NCOR2: variants seen among roughly 807,000 people sequenced by gnomAD.
The protein encoded by NCOR2 is CTG repeat protein 26.
Under a neutral mutation model 262.9 loss-of-function variants are expected in NCOR2, and 81 were observed. The observed-to-expected ratio is 0.31, with a 90% CI of 0.26 to 0.37. The LOEUF (loss-of-function observed/expected upper bound fraction) is 0.37. Ranked by LOEUF, NCOR2 falls within the 10% of genes least tolerant of loss-of-function variation. The probability of loss-of-function intolerance (pLI) is 1.00; values close to 1 mark genes in which losing one functional copy is unlikely to be tolerated. For synonymous variants in NCOR2, 1,659 were observed against 1,559.3 expected (o/e 1.06, Z -1.51); for missense variants, 3,385 against 3,621.4 (o/e 0.93, Z 1.68).
At position 124,438,664 on chromosome 12, in the gene NCOR2, G is replaced by A. The variant is rs181494919; in HGVS notation, c.816-668C>T. Among the ~76,000 whole-genome samples the A allele has an allele frequency of 6.8e-5, 8 of 118,404 alleles. No individual in the cohort carries two copies. In the East Asian group the frequency reaches 1.5e-3, roughly 22 times the overall value. The allele number at this position is 118,404 out of a possible 152,430, so 77.7% of individuals were successfully genotyped here. Reference sequence around the variant, plus strand: ...GAAGGAGGCACGTCCTGGGAGACGGGAGTTTCAGAGAGAGAGAGGGAGACA... The same window carrying A: ...GAAGGAGGCACGTCCTGGGAGACGGAAGTTTCAGAGAGAGAGAGGGAGACA... On this transcript the variant is annotated intron_variant, in intron 7 of 46. Coordinates refer to ENST00000405201, the Ensembl canonical transcript of NCOR2.
intron 4 of NCOR2, among the ~76,000 whole-genome samples, chr12:124,470,958 G>C (rs763781629): frequency 3.9e-4 from 59 of 152,230 alleles, no homozygotes; most frequent in Admixed American, 4.6e-4. Context: ...CCCACCCCAA[G>C]GCCAGGCCTG....
chr12:124,452,112 C>T (rs572803441), intron 6 of NCOR2, among the ~76,000 whole-genome samples: 11 of 152,350 alleles, frequency 7.2e-5, no homozygotes, highest in African/African-American at 2.4e-4. Flanking sequence ...GTTTCCCCAC[C>T]CTGACCCTGG....
At chr12:124,411,451 G>A (rs2042583118) in intron 13 of NCOR2, among the ~76,000 whole-genome samples, 2 of 152,190 alleles carry the variant, frequency 1.3e-5, no homozygotes, top group South Asian at 4.1e-4. Flanking sequence ...GATGACTGGA[G>A]CCCAGGACGG....
intron 4 of NCOR2, among the ~76,000 whole-genome samples, chr12:124,472,294 T>G (rs1168920903): frequency 6.6e-6 from 1 of 152,268 alleles, no homozygotes; most frequent in Non-Finnish European, 1.5e-5. Context: ...CAGCTTTTTC[T>G]CCGCTTGTCT....
Position 124,504,130 on chromosome 12 carries a change from A to G in NCOR2, c.-117-8762T>C, listed in dbSNP as rs2048922701. Reference sequence around the variant, plus strand: ...TTCTCCCTTTTCAGCATAAACCAGCACATCTTCCCCTTGAGCTGGGTTCGA... The same window carrying G: ...TTCTCCCTTTTCAGCATAAACCAGCGCATCTTCCCCTTGAGCTGGGTTCGA... On this transcript the variant is annotated intron_variant, in intron 1 of 46. Coordinates refer to the NCOR2 transcript ENST00000404621. The surrounding 1 kb of genome is among the most constrained non-coding windows in gnomAD (Gnocchi z 4.5). Among the ~76,000 whole-genome samples, 1 of 152,190 alleles carries G rather than the reference A, an allele frequency of 6.6e-6. No individual in the cohort carries two copies. Among genetic ancestry groups the G allele is most frequent in the Non-Finnish European group, 1.5e-5 (1 of 68,038 alleles).
chr12:124,544,638 G>T (rs937366502), intron 1 of NCOR2, among the ~76,000 whole-genome samples: 7 of 152,194 alleles, frequency 4.6e-5, no homozygotes, highest in South Asian at 2.1e-4. Flanking sequence ...CTCCACACCC[G>T]CCCGGGCCCA....
At chr12:124,418,031 G>A (rs1469300980) in intron 13 of NCOR2, among the ~76,000 whole-genome samples, 14 of 147,590 alleles carry the variant, frequency 9.5e-5, no homozygotes, top group Non-Finnish European at 1.9e-4. Flanking sequence ...ACTGCACTCT[G>A]ACCTGGGCGA....
chr12:124,325,383 C>CCCCCCT, exon 47 of NCOR2: 1 of 440,024 alleles, frequency 2.3e-6, no homozygotes, highest in Non-Finnish European at 3.5e-6. Context: ...CACCGCCCCC[C>CCCCCCT]CCCCCGCCCT....
intron 22 of NCOR2, among the ~76,000 whole-genome samples, chr12:124,358,737 C>G (rs1020651087): frequency 6.6e-6 from 1 of 152,188 alleles, no homozygotes; most frequent in African/African-American, 2.4e-5. Flanking sequence ...GCTGAGAAGC[C>G]AAGCTCAGGC....
intron 11 of NCOR2, 136 bp from the exon 14 acceptor site, chr12:124,422,691 C>CT: frequency 4.2e-6 from 4 of 952,018 alleles, no homozygotes; most frequent in African/African-American, 3.3e-5. Context: ...CAATTAAGCC[C>CT]AGGGGGGTGT....
chr12:124,405,832 G>T (rs551376966), intron 13 of NCOR2, among the ~76,000 whole-genome samples: 1 of 152,196 alleles, frequency 6.6e-6, no homozygotes, highest in Non-Finnish European at 1.5e-5. Context: ...CGACACTGGC[G>T]AGGCTGGGCT....
intron 13 of NCOR2, among the ~76,000 whole-genome samples, chr12:124,413,014 C>T (rs867250963): frequency 2.0e-5 from 3 of 152,216 alleles, no homozygotes; most frequent in African/African-American, 2.4e-5. Flanking sequence ...GCCTCGCTGC[C>T]GGGGAAAGTG....
rs3215164 is a variant in NCOR2, at chr12:124,354,299, TA to T, written c.3590-104del. The T allele has an allele frequency of 0.011, 14,954 of 1,304,152 alleles. 623 individuals carry two copies. The East Asian group carries it at 0.12, about 11-fold the overall frequency. The allele number at this position is 1,304,152 out of a possible 1,614,324, so 80.8% of individuals were successfully genotyped here. On this transcript the variant is annotated intron_variant, in intron 26 of 46. Coordinates refer to ENST00000405201, the Ensembl canonical transcript of NCOR2. ...TGACTGAGAGACCCACAAGTTGTGC[TA>T]GTTGTTTCAACGCAGAGGGAGTCCC...
At chr12:124,325,377 G>GCCCCGCC in exon 47 of NCOR2, 2 of 246,788 alleles carry the variant, frequency 8.1e-6, no homozygotes, top group Non-Finnish European at 1.3e-5. Context: ...ACCTGACACC[G>GCCCCGCC]CCCCCCCCCC....
At chr12:124,430,825 GC>G in intron 8 of NCOR2, 38 bp from the exon 11 acceptor site, 2 of 1,558,948 alleles carry the variant, frequency 1.3e-6, no homozygotes, top group Non-Finnish European at 1.7e-6. Context: ...AGATGCTCCT[GC>G]ACCTGGCACC....
chr12:124,340,163 T>C (rs777645515), exon 37 of NCOR2: 3 of 1,046,520 alleles, frequency 2.9e-6, no homozygotes, highest in South Asian at 1.5e-5. Flanking sequence ...CGGCTGCTGC[T>C]GCCCCCACCC....
At chr12:124,553,612 C>T (rs1419591591) in intron 1 of NCOR2, among the ~76,000 whole-genome samples, 2 of 152,236 alleles carry the variant, frequency 1.3e-5, no homozygotes, top group Non-Finnish European at 2.9e-5. Flanking sequence ...CTGATGAAAA[C>T]GTGATCAGAC....
At chr12:124,339,694 T>C (rs1348867633) in intron 37 of NCOR2, among the ~76,000 whole-genome samples, 4 of 67,644 alleles carry the variant, frequency 5.9e-5, no homozygotes, top group Non-Finnish European at 1.1e-4. Flanking sequence ...AACCTGATCA[T>C]CCACCCATCC....
chr12:124,456,103 T>G (rs1053326824), intron 6 of NCOR2, among the ~76,000 whole-genome samples: 4 of 152,228 alleles, frequency 2.6e-5, no homozygotes, highest in African/African-American at 4.8e-5. Flanking sequence ...CTCAAATTCC[T>G]GGCTTCATGC....
Sources: gnomAD v4.1 joint callset for allele counts (sites outside exome capture counted in the v4.1 genomes callset) on GRCh38, gnomAD v4.1.1 for gene constraint, Gnocchi (gnomAD v3.1) non-coding constraint, MANE v1.5 for transcripts, NCBI Gene and HGNC (gene_info 2026-07-23, HGNC 2026-07-21) for gene names.